STPG2: variants seen among roughly 807,000 people sequenced by gnomAD.
STPG2 encodes sperm tail PG-rich repeat containing 2.
STPG2 carries 56 observed loss-of-function variants against 54.2 expected under a neutral mutation model. The observed-to-expected ratio is 1.03, with a 90% CI of 0.83 to 1.29. STPG2 has a LOEUF of 1.29. Among genes scored for constraint, STPG2 ranks in the 50% most tolerant of loss-of-function variants. The pLI, the probability that STPG2 is intolerant of heterozygous loss-of-function variation, is 0.00. For missense variants in STPG2, 596 were observed against 544.9 expected (o/e 1.09, Z -0.93); for synonymous variants, 200 against 181.8 (o/e 1.10, Z -0.81).
chr4:97,595,221 C>G lies in STPG2; in HGVS notation c.1321-36104G>C, dbSNP rs1733254139. On this transcript the variant is annotated intron_variant, in intron 10 of 10. Transcript: ENST00000295268. ...AACCCAAATGTCCAACAATGATAGACTGGATTAAGAAAATGTGGCACATAT... is the reference window on the plus strand; with the variant it reads ...AACCCAAATGTCCAACAATGATAGAGTGGATTAAGAAAATGTGGCACATAT... 5.3e-5 allele frequency among the ~76,000 whole-genome samples: 8 copies of G among 152,212 alleles called. No homozygotes were observed. The South Asian group carries it at 1.5e-3, about 28-fold the overall frequency.
chr4:98,132,462 T>C (rs1740022687), intron 2 of STPG2, among the ~76,000 whole-genome samples: 1 of 152,070 alleles, frequency 6.6e-6, no homozygotes, highest in Admixed American at 6.6e-5. Context: ...AGATGCTCTC[T>C]GGTCTCTAAT....
rs142226794 is a variant in STPG2 at position 97,857,980 on chromosome 4, G to A, written c.1045-17048C>T. On this transcript the variant is annotated intron_variant, in intron 8 of 10. Coordinates refer to ENST00000295268, the MANE Select transcript of STPG2 (RefSeq NM_174952.3). ...ATTAGTGAGCTTGAAGAAAAGCTACGTGAAAATATGCAGTTGGATGATATA... is the reference window on the plus strand; with the variant it reads ...ATTAGTGAGCTTGAAGAAAAGCTACATGAAAATATGCAGTTGGATGATATA... Among the ~76,000 whole-genome samples, 14 of 151,920 alleles carry A rather than the reference G, an allele frequency of 9.2e-5. No individual in the cohort carries two copies. In the South Asian group the frequency reaches 1.2e-3, roughly 14 times the overall value.
chr4:97,796,757 T>C (rs1727198027), intron 9 of STPG2, among the ~76,000 whole-genome samples: 1 of 152,194 alleles, frequency 6.6e-6, no homozygotes, highest in African/African-American at 2.4e-5. Context: ...GGTAGCTTGA[T>C]GGGGATGGCA....
At chr4:97,901,934 C>G in intron 8 of STPG2, among the ~76,000 whole-genome samples, 1 of 151,790 alleles carries the variant, frequency 6.6e-6, no homozygotes, top group East Asian at 1.9e-4. Context: ...AATAATCAAA[C>G]AGTATAGTAC....
chr4:97,478,854 C>A (rs1460510251), intron 4 of STPG2, among the ~76,000 whole-genome samples: 1 of 148,030 alleles, frequency 6.8e-6, no homozygotes, highest in Non-Finnish European at 1.5e-5. Flanking sequence ...CAAAATGAAC[C>A]CTAGAAACCA....
chr4:97,922,053 G>A (rs981138715), intron 8 of STPG2, among the ~76,000 whole-genome samples: 1 of 152,084 alleles, frequency 6.6e-6, no homozygotes, highest in Non-Finnish European at 1.5e-5. Context: ...TTAGGCCAAT[G>A]GTTACAAAGT....
chr4:97,451,391 G>GGAGGGGAGAAGAGAGGA (rs1560613812), intron 4 of STPG2, among the ~76,000 whole-genome samples: 1 of 152,170 alleles, frequency 6.6e-6, no homozygotes, highest in Non-Finnish European at 1.5e-5. Flanking sequence ...GAAGGGAAAA[G>GGAGGGGAGAAGAGAGGA]GAGGGGAGAA....
intron 8 of STPG2, among the ~76,000 whole-genome samples, chr4:97,895,813 T>C (rs62318641): frequency 0.38 from 57,230 of 151,528 alleles, 10,891 homozygotes; most frequent in Middle Eastern, 0.46. Flanking sequence ...ATCCTGTCTG[T>C]GGGAATCACT....
At chr4:97,476,423 G>C (rs1730072759) in intron 4 of STPG2, among the ~76,000 whole-genome samples, 1 of 151,946 alleles carries the variant, frequency 6.6e-6, no homozygotes, top group Non-Finnish European at 1.5e-5. Flanking sequence ...AATGCTAATA[G>C]TTTTAATACC....
At chr4:98,049,935 C>A (rs996580243) in intron 5 of STPG2, among the ~76,000 whole-genome samples, 2 of 151,794 alleles carry the variant, frequency 1.3e-5, no homozygotes, top group Non-Finnish European at 2.9e-5. Flanking sequence ...ATACAAAAGA[C>A]AAAGAAACAT....
intron 5 of STPG2, among the ~76,000 whole-genome samples, chr4:98,012,988 T>C (rs765281680): frequency 2.0e-5 from 3 of 152,234 alleles, no homozygotes; most frequent in Non-Finnish European, 4.4e-5. Flanking sequence ...CAATACCACA[T>C]TGAATAGGAG....
At chr4:97,700,823 C>A (rs558567603) in intron 10 of STPG2, among the ~76,000 whole-genome samples, 1 of 152,232 alleles carries the variant, frequency 6.6e-6, no homozygotes, top group South Asian at 2.1e-4. Flanking sequence ...ATGGACAGGG[C>A]CTTATGCAGC....
intron 10 of STPG2, among the ~76,000 whole-genome samples, chr4:97,594,358 C>T (rs943621623): frequency 2.0e-5 from 3 of 152,086 alleles, no homozygotes; most frequent in African/African-American, 7.2e-5. Flanking sequence ...AGAATATAAT[C>T]CGAAGTATTA....
chr4:98,134,255 A>G (rs13328042), intron 2 of STPG2, 92 bp downstream of exon 2: 220,168 of 570,106 alleles, frequency 0.39, 43,705 homozygotes, highest in African/African-American at 0.45. Context: ...AAGACAATAT[A>G]AGCAGAAAAT....
intron 8 of STPG2, among the ~76,000 whole-genome samples, chr4:97,912,845 GT>G (rs1311204714): frequency 6.6e-6 from 1 of 152,160 alleles, no homozygotes; most frequent in African/African-American, 2.4e-5. Context: ...CTTTTTAAGA[GT>G]TGAGAAACGC....
chr4:98,040,970 G>A (rs1257528184), intron 5 of STPG2, among the ~76,000 whole-genome samples: 5 of 151,736 alleles, frequency 3.3e-5, no homozygotes, highest in Admixed American at 2.6e-4. Context: ...CCCATTTCAC[G>A]AGCATGGGAT....
At chr4:97,901,496 TA>T (rs1731175751) in intron 8 of STPG2, among the ~76,000 whole-genome samples, 1 of 151,924 alleles carries the variant, frequency 6.6e-6, no homozygotes. Context: ...TGTTACAGAA[TA>T]CAAAATTAAC....
At position 97,878,583 on chromosome 4, in the gene STPG2, G is replaced by A. The variant is rs576903569; in HGVS notation, c.1045-37651C>T. ...TGTACCTTGCTCCATTTTAGCCATG[G>A]CTACAGCAGCTGGGACACAGGGCAC... On this transcript the variant is annotated intron_variant, in intron 8 of 10. Coordinates refer to ENST00000295268, the MANE Select transcript of STPG2 (RefSeq NM_174952.3). Among the ~76,000 whole-genome samples, 14 of 152,232 alleles carry A rather than the reference G, an allele frequency of 9.2e-5. No homozygotes were observed. In the South Asian group the frequency reaches 2.9e-3, roughly 32 times the overall value.
chr4:97,713,359 A>G (rs1304327338), intron 9 of STPG2, among the ~76,000 whole-genome samples: 1 of 152,196 alleles, frequency 6.6e-6, no homozygotes, highest in East Asian at 1.9e-4. Flanking sequence ...TCCAACTTGT[A>G]TTCTTCAATG....
Sources: gnomAD v4.1 joint callset for allele counts (sites outside exome capture counted in the v4.1 genomes callset) on GRCh38, gnomAD v4.1.1 for gene constraint, MANE v1.5 for transcripts, NCBI Gene and HGNC (gene_info 2026-07-23, HGNC 2026-07-21) for gene names.